The following FSTL4 variants were observed in gnomAD, a reference collection of about 807,000 sequenced individuals.
FSTL4 encodes follistatin-related protein 4.
In FSTL4, 28 loss-of-function variants were observed where a neutral mutation model predicts 78.2. That is an observed-to-expected ratio of 0.36 (90% CI 0.27 to 0.49). FSTL4 has a LOEUF of 0.49. FSTL4 is among the 20% of genes least tolerant of loss of function. The pLI is 0.98. For missense variants in FSTL4, 922 were observed against 1,084.9 expected, an observed-to-expected ratio of 0.85 and a Z score of 2.11; for synonymous variants, 422 against 440.5, an observed-to-expected ratio of 0.96 and a Z score of 0.53.
chr5:133,784,322 A>T, the FSTL4 span, among the ~76,000 whole-genome samples: 1 of 152,166 alleles, frequency 6.6e-6, no homozygotes, highest in Admixed American at 6.5e-5. Flanking sequence ...AGTCTATTTT[A>T]TGGGTGCATA....
chr5:133,577,230 G>T (rs1760303307), intron 2 of FSTL4, among the ~76,000 whole-genome samples: 1 of 152,236 alleles, frequency 6.6e-6, no homozygotes, highest in African/African-American at 2.4e-5. Context: ...ATCCAGCAAA[G>T]AACAGGATAT....
At chr5:133,427,187 C>T (rs75400332) in intron 3 of FSTL4, among the ~76,000 whole-genome samples, 1 of 152,314 alleles carries the variant, frequency 6.6e-6, no homozygotes, top group African/African-American at 2.4e-5. Flanking sequence ...TCAGTTTCCA[C>T]ACCTATAGAG....
At chr5:133,581,580 C>T (rs111622327) in intron 2 of FSTL4, among the ~76,000 whole-genome samples, 3 of 152,366 alleles carry the variant, frequency 2.0e-5, no homozygotes, top group African/African-American at 7.2e-5. Flanking sequence ...AGCTTTGTCC[C>T]CTGCAGCCTG....
At chr5:133,517,091 G>A (rs893255690) in intron 3 of FSTL4, among the ~76,000 whole-genome samples, 4 of 148,060 alleles carry the variant, frequency 2.7e-5, no homozygotes, top group East Asian at 2.0e-4. Flanking sequence ...AAAAAAAATC[G>A]GCCTTATAGC....
chr5:133,336,552 T>C (rs569401816), intron 4 of FSTL4, among the ~76,000 whole-genome samples: 1 of 152,314 alleles, frequency 6.6e-6, no homozygotes, highest in South Asian at 2.1e-4. Context: ...GAGAAAAGGA[T>C]GGTACGGATT....
intron 3 of FSTL4, among the ~76,000 whole-genome samples, chr5:133,464,407 C>A (rs1029424218): frequency 6.6e-6 from 1 of 152,224 alleles, no homozygotes; most frequent in African/African-American, 2.4e-5. Flanking sequence ...CCAAATACCC[C>A]AAACAAAACC....
At chr5:133,635,640 G>A in the FSTL4 span, among the ~76,000 whole-genome samples, 1 of 152,182 alleles carries the variant, frequency 6.6e-6, no homozygotes, top group Non-Finnish European at 1.5e-5. Flanking sequence ...GCACATGCCT[G>A]TAATCCCAGC....
intron 3 of FSTL4, among the ~76,000 whole-genome samples, chr5:133,472,001 C>A (rs1419021198): frequency 2.0e-5 from 3 of 152,120 alleles, no homozygotes; most frequent in Non-Finnish European, 4.4e-5. Context: ...TCTTTCAAAT[C>A]TCCCTCTCAT....
the FSTL4 span, among the ~76,000 whole-genome samples, chr5:133,638,958 C>A: frequency 7.3e-5 from 11 of 151,470 alleles, no homozygotes; most frequent in Non-Finnish European, 2.9e-5. Context: ...TTTATTGGAA[C>A]TTTTATTATT....
At chr5:133,437,582 T>A (rs1757063039) in intron 3 of FSTL4, among the ~76,000 whole-genome samples, 1 of 145,672 alleles carries the variant, frequency 6.9e-6, no homozygotes. Flanking sequence ...CTCCGCCTAC[T>A]GGGCTCAAGT....
the FSTL4 span, among the ~76,000 whole-genome samples, chr5:133,708,654 A>G: frequency 6.6e-6 from 1 of 152,228 alleles, no homozygotes; most frequent in Non-Finnish European, 1.5e-5. Flanking sequence ...TTCCCTAGGC[A>G]CAGAGCCAAA....
At chr5:133,594,917 T>C (rs921678579) in intron 2 of FSTL4, among the ~76,000 whole-genome samples, 3 of 152,244 alleles carry the variant, frequency 2.0e-5, no homozygotes, top group Non-Finnish European at 1.5e-5. Flanking sequence ...GTCTTATACC[T>C]ACTTAATGAC....
intron 1 of FSTL4, among the ~76,000 whole-genome samples, chr5:133,608,027 C>G (rs1254726224): frequency 6.6e-6 from 1 of 152,194 alleles, no homozygotes; most frequent in Non-Finnish European, 1.5e-5. Flanking sequence ...AGAAGTAAAT[C>G]TGTTAACAAA....
chr5:133,529,922 C>G lies in FSTL4; in HGVS notation c.160+37264G>C, dbSNP rs145851238. The stretch of plus-strand genomic sequence containing the variant: ...TGGATTTGTGCAGCAGTCCTCAGAA[C>G]ACGGATCCAAACCAGTACATGAAGA... On this transcript the variant is annotated intron_variant, in intron 3 of 15. Transcript: ENST00000265342. 2.1e-3 allele frequency among the ~76,000 whole-genome samples: 318 copies of G among 151,650 alleles called. 1 individual carries two copies. Among genetic ancestry groups the G allele is most frequent in the Middle Eastern group, 0.01 (3 of 294 alleles).
Position 133,225,876 on chromosome 5 carries a change from C to T in FSTL4, c.1016-57G>A, listed in dbSNP as rs773115983. 51 of 1,402,612 alleles carry T rather than the reference C, an allele frequency of 3.6e-5. No individual in the cohort carries two copies. Among genetic ancestry groups the T allele is most frequent in the Non-Finnish European group, 3.9e-5 (42 of 1,064,718 alleles). 86.9% of individuals were successfully genotyped at this position (1,402,612 alleles called of 1,614,324 possible). On this transcript the variant is annotated intron_variant, in intron 8 of 15. Coordinates refer to ENST00000265342, the MANE Select transcript of FSTL4 (RefSeq NM_015082.2). The surrounding 1 kb of genome is among the most constrained non-coding windows in gnomAD (Gnocchi z 4.6). The stretch of plus-strand genomic sequence containing the variant: ...AGACGGCCCTGACCTGGACTTGGGC[C>T]TGTGGCCCAACCTGAGACCCTGCTC...
the FSTL4 span, among the ~76,000 whole-genome samples, chr5:133,700,198 C>T: frequency 6.6e-6 from 1 of 151,576 alleles, no homozygotes; most frequent in Non-Finnish European, 1.5e-5. Flanking sequence ...CAAACCACCA[C>T]ACCAAACCAT....
the FSTL4 span, among the ~76,000 whole-genome samples, chr5:133,676,304 G>A: frequency 6.6e-6 from 1 of 152,186 alleles, no homozygotes; most frequent in Admixed American, 6.5e-5. Flanking sequence ...CACTGCCTCT[G>A]GGATTTTTCT....
intron 6 of FSTL4, among the ~76,000 whole-genome samples, chr5:133,269,184 C>CAAAAAAAA (rs869156118): frequency 1.4e-4 from 8 of 58,986 alleles, no homozygotes; most frequent in African/African-American, 2.6e-4. Flanking sequence ...GACTCCATCT[C>CAAAAAAAA]AAAAAAAAAA....
the FSTL4 span, among the ~76,000 whole-genome samples, chr5:133,792,884 C>T: frequency 7.2e-5 from 11 of 152,270 alleles, no homozygotes; most frequent in Admixed American, 3.9e-4. Flanking sequence ...TGGCAGAGAG[C>T]ACAATGATGC....
Sources: gnomAD v4.1 joint callset for allele counts (sites outside exome capture counted in the v4.1 genomes callset) on GRCh38, gnomAD v4.1.1 for gene constraint, Gnocchi (gnomAD v3.1) non-coding constraint, MANE v1.5 for transcripts, NCBI Gene and HGNC (gene_info 2026-07-23, HGNC 2026-07-21) for gene names.